CLCN7: variants seen among roughly 807,000 people sequenced by gnomAD.
The protein encoded by CLCN7 is Cl-/H+ antiporter 7.
A neutral mutation model predicts 102.1 loss-of-function variants in CLCN7; 60 were observed. The observed-to-expected ratio is 0.59, with a 90% confidence interval of 0.48 to 0.73. CLCN7 has a LOEUF of 0.73. Ranked by LOEUF, CLCN7 falls within the 30% of genes least tolerant of loss-of-function variation. CLCN7 has a pLI of 0.00. For synonymous variants in CLCN7, 560 were observed against 490.5 expected (o/e 1.14, Z -1.87); for missense variants, 962 against 1,125.7 (o/e 0.85, Z 2.08).
intron 16 of CLCN7, among the ~76,000 whole-genome samples, 166 bp from the exon 17 acceptor site, chr16:1,450,832 G>A (rs1401695009): frequency 7.7e-6 from 1 of 130,044 alleles, no homozygotes; most frequent in East Asian, 1.9e-4. Context: ...AGCCTCCCTG[G>A]GAAGCAGAAA....
intron 14 of CLCN7, among the ~76,000 whole-genome samples, chr16:1,453,568 G>A (rs1245093444): frequency 1.3e-5 from 2 of 152,192 alleles, no homozygotes; most frequent in African/African-American, 4.8e-5. Flanking sequence ...GCCCAGGCCC[G>A]ATCCCACGCA....
rs183247391 is a variant in CLCN7 at position 1,473,672 on chromosome 16, C to T, written c.141+1162G>A. On this transcript the variant is annotated intron_variant, in intron 1 of 24. Transcript: ENST00000382745. Reference sequence around the variant, plus strand: ...ACAGATGTGAGCCACCGTGCCCTGCCGTCCTTCCTAATCTTTAAGCACAAG... The same window carrying T: ...ACAGATGTGAGCCACCGTGCCCTGCTGTCCTTCCTAATCTTTAAGCACAAG... Among the ~76,000 whole-genome samples the T allele has an allele frequency of 9.0e-3, 1,365 of 151,990 alleles. 7 individuals carry two copies. The highest frequency in any genetic ancestry group is 0.015 in the Non-Finnish European group (1,017 of 67,948).
At chr16:1,460,274 G>A (rs2038912368) in intron 6 of CLCN7, 144 bp downstream of exon 6, 1 of 692,882 alleles carries the variant, frequency 1.4e-6, no homozygotes, top group Non-Finnish European at 2.6e-6. Flanking sequence ...GAGGTTGTGA[G>A]TCTGGACCAC....
At chr16:1,471,760 G>A (rs1024646234) in intron 1 of CLCN7, 3 of 152,286 alleles carry the variant, frequency 2.0e-5, no homozygotes, top group Admixed American at 6.5e-5. Flanking sequence ...GATGCTCAGA[G>A]CACAAACGCC....
chr16:1,473,883 G>A (rs193028201), intron 1 of CLCN7, among the ~76,000 whole-genome samples: 1,745 of 152,004 alleles, frequency 0.011, 44 homozygotes, highest in African/African-American at 0.039. Flanking sequence ...TCGGGAGTTC[G>A]AGGCCAGCCT....
At chr16:1,447,210 T>C (rs1333781439) in intron 23 of CLCN7, 124 bp from the exon 24 acceptor site, 20 of 1,135,760 alleles carry the variant, frequency 1.8e-5, no homozygotes, top group Non-Finnish European at 2.5e-5. Flanking sequence ...CCCACGCCCG[T>C]CTGGCCAGCC....
rs2038834181 is a variant in CLCN7, at chr16:1,456,248, G to C, written c.823-42C>G. On this transcript the variant is annotated intron_variant, in intron 9 of 24. Coordinates refer to ENST00000382745, the MANE Select transcript of CLCN7 (RefSeq NM_001287.6). ...CCAGGGTCGGGGCAGGTTCCTTGAG[G>C]GCACGGCTCTCAGAAAGGGAGAGCA... is the stretch of plus-strand genomic sequence containing the variant. The C allele has an allele frequency of 5.5e-6, 8 of 1,452,526 alleles. No homozygotes were observed. The South Asian group carries it at 9.7e-5, about 18-fold the overall frequency. The allele number at this position is 1,452,526 out of a possible 1,614,324, so 90.0% of individuals were successfully genotyped here.
At chr16:1,454,652 C>G (rs933567336) in intron 12 of CLCN7, among the ~76,000 whole-genome samples, 187 bp from the exon 13 acceptor site, 4 of 152,370 alleles carry the variant, frequency 2.6e-5, no homozygotes, top group South Asian at 4.1e-4. Flanking sequence ...CTGGCCCCTG[C>G]CTGGCGGGGT....
intron 6 of CLCN7, among the ~76,000 whole-genome samples, chr16:1,460,115 G>A (rs369455248): frequency 1.3e-4 from 20 of 152,008 alleles, no homozygotes; most frequent in African/African-American, 4.6e-4. Flanking sequence ...TGGTGGAGGC[G>A]GAGGTGGAGA....
chr16:1,451,018 G>GC (rs898241901), intron 16 of CLCN7, among the ~76,000 whole-genome samples: 4 of 152,206 alleles, frequency 2.6e-5, no homozygotes, highest in African/African-American at 7.2e-5. Flanking sequence ...GGAAGAGGGT[G>GC]CCCCCCACAG....
chr16:1,446,098 A>C lies in CLCN7; in HGVS notation c.*533T>G. 1.7e-6 allele frequency: 1 copy of C among 595,346 alleles called. No homozygotes were observed. The highest frequency in any genetic ancestry group is 2.0e-5 in the South Asian group (1 of 49,128). The allele number at this position is 595,346 out of a possible 1,614,324, so 36.9% of individuals were successfully genotyped here. A position where few individuals can be genotyped will look rare whatever the true frequency, so the allele number is the denominator to read the frequency against. On this transcript the variant is annotated 3_prime_UTR_variant, in exon 25 of 25. Coordinates refer to ENST00000382745, the MANE Select transcript of CLCN7 (RefSeq NM_001287.6). ...CTCTCCGGGGCGGTCGCAGCCTCCAAACCCTGGTGCTACGAGTCCGTGCCT... is the reference window on the plus strand; with the variant it reads ...CTCTCCGGGGCGGTCGCAGCCTCCACACCCTGGTGCTACGAGTCCGTGCCT...
Position 1,459,146 on chromosome 16 carries a change from G to C in CLCN7, c.636C>G (p.Phe212Leu). The change falls in exon 7 of 25, where the codon TTC (phenylalanine) becomes TTG (leucine). Residue 212 changes from phenylalanine (F) to leucine (L), a missense_variant. Around this residue, in one of 2 missense-constraint regions of CLCN7, gnomAD observed 799 missense variants for 988.0 expected, o/e 0.81. Coordinates refer to ENST00000382745, the MANE Select transcript of CLCN7 (RefSeq NM_001287.6). ...CGTGGGGGATCTTCACCCCGTTGAGGAAGCACTTGATCTGGGGGATTCCGC... is the reference window on the plus strand; with the variant it reads ...CGTGGGGGATCTTCACCCCGTTGAGCAAGCACTTGATCTGGGGGATTCCGC... ...AGSGIPQIKC[F>L]LNGVKIPHVV... is the part of the protein sequence containing the mutation. The C allele has an allele frequency of 6.2e-7, 1 of 1,613,272 alleles. No homozygotes were observed. The highest frequency in any genetic ancestry group is 8.5e-7 in the Non-Finnish European group (1 of 1,179,850).
intron 13 of CLCN7, 94 bp downstream of exon 13, chr16:1,454,317 A>T: frequency 7.6e-7 from 1 of 1,307,500 alleles, no homozygotes; most frequent in Non-Finnish European, 1.1e-6. Context: ...GGCAGGCTCC[A>T]GGGAGCCACA....
At chr16:1,454,332 C>G in intron 13 of CLCN7, 79 bp downstream of exon 13, 1 of 1,462,432 alleles carries the variant, frequency 6.8e-7, no homozygotes, top group African/African-American at 1.4e-5. Context: ...GCCACAGCCT[C>G]CAGTCCTCGT....
intron 9 of CLCN7, among the ~76,000 whole-genome samples, chr16:1,456,980 A>C (rs965309362): frequency 9.9e-5 from 15 of 152,006 alleles, no homozygotes; most frequent in Non-Finnish European, 2.1e-4. Context: ...CAGGTTCTGC[A>C]CTCCTCTGAG....
intron 15 of CLCN7, chr16:1,451,972 G>T (rs1200127053): frequency 1.9e-5 from 9 of 483,814 alleles, no homozygotes; most frequent in South Asian, 9.9e-5. Context: ...CTAGCCCTGG[G>T]GGGTGGGTTA....
intron 14 of CLCN7, 50 bp downstream of exon 14, chr16:1,453,784 C>T (rs375412397): frequency 6.4e-7 from 1 of 1,560,082 alleles, no homozygotes. Context: ...TTTCAAAGGG[C>T]CTGTGTGGCC....
intron 11 of CLCN7, 62 bp downstream of exon 11, chr16:1,455,669 T>C (rs1404288089): frequency 1.3e-6 from 2 of 1,547,418 alleles, no homozygotes; most frequent in Non-Finnish European, 1.8e-6. Flanking sequence ...GTGGACCCCA[T>C]GGTGGGAAAT....
rs375552320 is a variant in CLCN7 at position 1,451,628 on chromosome 16, G to A, written c.1442C>T (p.Pro481Leu). 13 of 1,611,442 alleles carry A rather than the reference G, an allele frequency of 8.1e-6. No individual in the cohort carries two copies. Among genetic ancestry groups the A allele is most frequent in the African/African-American group, 5.3e-5 (4 of 74,920 alleles). The change falls in exon 16 of 25, where the codon CCG becomes CTG. Residue 481 changes from proline (P) to leucine (L), a missense_variant. Pro to Leu is a moderately conservative substitution (Grantham distance 98). Transcript: ENST00000382745. Reference protein sequence around the residue: ...EKSVVSLFHDPPGSYNPLTLG... With the variant: ...EKSVVSLFHDLPGSYNPLTLG... ...GCGGCACTGCCCACACACACCTGGC[G>A]GGTCGTGGAAGAGGCTCACCACGCT... is the stretch of plus-strand genomic sequence containing the variant.
Sources: gnomAD v4.1 joint callset for allele counts (sites outside exome capture counted in the v4.1 genomes callset) on GRCh38, gnomAD v4.1.1 for gene constraint, gnomAD v4.1.1 regional missense constraint, MANE v1.5 for transcripts, NCBI Gene and HGNC (gene_info 2026-07-23, HGNC 2026-07-21) for gene names.